Variants in SEMA6D observed in about 807,000 individuals in gnomAD.
SEMA6D encodes the protein semaphorin 6D, also known as semaphorin-6D.
SEMA6D carries 35 observed loss-of-function variants against 106.6 expected under a neutral mutation model. The ratio of observed to expected loss-of-function variants is 0.33; its 90% CI spans 0.25 to 0.44. SEMA6D has a LOEUF of 0.44. Ranked by LOEUF, SEMA6D falls within the 20% of genes least tolerant of loss-of-function variation. The pLI, the probability that SEMA6D is intolerant of heterozygous loss-of-function variation, is 1.00. For synonymous variants in SEMA6D, 499 were observed against 487.7 expected, an observed-to-expected ratio of 1.02 and a Z score of -0.31; for missense variants, 1,185 against 1,345.9, an observed-to-expected ratio of 0.88 and a Z score of 1.87.
chr15:47,328,821 TC>T, intron 1 of SEMA6D, among the ~76,000 whole-genome samples: 1 of 152,148 alleles, frequency 6.6e-6, no homozygotes, highest in East Asian at 1.9e-4. Flanking sequence ...GGTGATGGAG[TC>T]CACTGTTGGG....
chr15:47,767,292 T>C, intron 17 of SEMA6D, 199 bp downstream of exon 17: 1 of 447,052 alleles, frequency 2.2e-6, no homozygotes. Flanking sequence ...CACTTCATCA[T>C]TGACCAAGCC....
At chr15:47,298,793 C>T (rs1046782955) in intron 1 of SEMA6D, among the ~76,000 whole-genome samples, 2 of 152,120 alleles carry the variant, frequency 1.3e-5, no homozygotes, top group Admixed American at 1.3e-4. Context: ...GCTTCTCCAG[C>T]ATGTTGCTAC....
intron 3 of SEMA6D, among the ~76,000 whole-genome samples, chr15:47,521,784 G>C (rs2044587967): frequency 6.6e-6 from 1 of 152,142 alleles, no homozygotes; most frequent in Non-Finnish European, 1.5e-5. Flanking sequence ...AGGAGATTGA[G>C]ACCATCCTGC....
intron 3 of SEMA6D, among the ~76,000 whole-genome samples, chr15:47,496,927 T>G (rs190710100): frequency 6.6e-6 from 1 of 152,048 alleles, no homozygotes; most frequent in African/African-American, 2.4e-5. Flanking sequence ...CTCTCCTCTC[T>G]TGGACCAGCA....
At chr15:47,379,474 C>G (rs1241170364) in intron 1 of SEMA6D, among the ~76,000 whole-genome samples, 2 of 152,026 alleles carry the variant, frequency 1.3e-5, no homozygotes, top group Non-Finnish European at 2.9e-5. Context: ...ACCAACCAAC[C>G]TCACAGATAA....
At chr15:47,564,715 C>T (rs1377456744) in intron 3 of SEMA6D, among the ~76,000 whole-genome samples, 1 of 152,120 alleles carries the variant, frequency 6.6e-6, no homozygotes, top group Admixed American at 6.5e-5. Context: ...AAGCCTGAGA[C>T]CATGGCCCAA....
chr15:47,769,929 A>C (rs906752973), intron 18 of SEMA6D, among the ~76,000 whole-genome samples: 1 of 152,182 alleles, frequency 6.6e-6, no homozygotes, highest in Admixed American at 6.6e-5. Flanking sequence ...GAATGAAAAA[A>C]AAAATCCAAG....
At chr15:47,293,336 T>G (rs965865052) in intron 1 of SEMA6D, among the ~76,000 whole-genome samples, 16 of 152,150 alleles carry the variant, frequency 1.1e-4, no homozygotes, top group African/African-American at 3.9e-4. Context: ...TTTCTTGGTC[T>G]TATTCTTTAA....
intron 1 of SEMA6D, among the ~76,000 whole-genome samples, chr15:47,267,745 A>G (rs2034387843): frequency 6.6e-6 from 1 of 151,962 alleles, no homozygotes; most frequent in South Asian, 2.1e-4. Context: ...TTCTTTTTGA[A>G]CTGATGTTTT....
intron 4 of SEMA6D, among the ~76,000 whole-genome samples, chr15:47,607,527 A>G (rs2076807018): frequency 6.6e-6 from 1 of 152,150 alleles, no homozygotes; most frequent in South Asian, 2.1e-4. Context: ...GTAAATATCT[A>G]CTTACCTTTT....
rs775674496 is a variant in SEMA6D at position 47,763,070 on chromosome 15, G to A, written c.713G>A (p.Arg238Gln). ...GGAAACTATGTCTATTTCTTCTTTCGAGAAATCGCTGTCGAACATAATAAT... is the reference window on the plus strand; with the variant it reads ...GGAAACTATGTCTATTTCTTCTTTCAAGAAATCGCTGTCGAACATAATAAT... ...EYGNYVYFFF[R>Q]EIAVEHNNLG... is the part of the protein sequence containing the mutation. Residue 238 changes from arginine to glutamine, a missense_variant, in exon 9 of 19, where the codon CGA (arginine) becomes CAA (glutamine). Transcript: ENST00000536845. 52 of 1,611,990 alleles carry A rather than the reference G, an allele frequency of 3.2e-5. No individual in the cohort carries two copies. The highest frequency in any genetic ancestry group is 3.6e-5 in the Non-Finnish European group (42 of 1,179,014).
At chr15:47,520,755 C>T (rs2141927022) in intron 3 of SEMA6D, among the ~76,000 whole-genome samples, 1 of 152,220 alleles carries the variant, frequency 6.6e-6, no homozygotes, top group Middle Eastern at 3.4e-3. Flanking sequence ...TGGGGGATTA[C>T]AATGGAGAAT....
chr15:47,467,346 G>A (rs1596071901), intron 2 of SEMA6D, among the ~76,000 whole-genome samples: 1 of 152,124 alleles, frequency 6.6e-6, no homozygotes, highest in Non-Finnish European at 1.5e-5. Flanking sequence ...GACACACTCC[G>A]GGTCTGGTTG....
intron 1 of SEMA6D, among the ~76,000 whole-genome samples, chr15:47,741,775 G>A (rs576591672): frequency 6.6e-6 from 1 of 152,260 alleles, no homozygotes; most frequent in East Asian, 1.9e-4. Flanking sequence ...TCTTCTGTTA[G>A]TAGAGCAGAC....
chr15:47,376,707 G>A (rs1051569605), intron 1 of SEMA6D, among the ~76,000 whole-genome samples: 22 of 152,158 alleles, frequency 1.4e-4, no homozygotes, highest in Admixed American at 1.4e-3. Flanking sequence ...TAGGTTACAC[G>A]TTACTGTAGG....
chr15:47,600,011 T>A (rs2076615517), intron 3 of SEMA6D, among the ~76,000 whole-genome samples: 1 of 151,534 alleles, frequency 6.6e-6, no homozygotes. Flanking sequence ...ATTTGGGGAA[T>A]TTTTTTTTCA....
At chr15:47,486,352 C>A (rs183930730) in intron 3 of SEMA6D, among the ~76,000 whole-genome samples, 1 of 152,182 alleles carries the variant, frequency 6.6e-6, no homozygotes, top group Non-Finnish European at 1.5e-5. Context: ...TAAGATTGAA[C>A]TTTTGATGTT....
chr15:47,627,632 T>A (rs2077225458), intron 4 of SEMA6D, among the ~76,000 whole-genome samples: 1 of 152,152 alleles, frequency 6.6e-6, no homozygotes, highest in South Asian at 2.1e-4. Context: ...TAATTAAACT[T>A]TTCATTTCAA....
rs145922305 is a variant in SEMA6D at position 47,379,568 on chromosome 15, A to G, written c.-238-32825A>G. On this transcript the variant is annotated intron_variant, in intron 1 of 19. Transcript: ENST00000558014. Reference sequence around the variant, plus strand: ...TTGAGCCCATGTATGCTAAAGGGATATAAGGCAGAGGCAACAAAAATACAG... The same window carrying G: ...TTGAGCCCATGTATGCTAAAGGGATGTAAGGCAGAGGCAACAAAAATACAG... Among the ~76,000 whole-genome samples, 40 of 152,336 alleles carry G rather than the reference A, an allele frequency of 2.6e-4. No individual in the cohort carries two copies. The East Asian group carries it at 7.7e-3, about 29-fold the overall frequency.
Sources: allele counts gnomAD v4.1 joint callset (sites outside exome capture counted in the v4.1 genomes callset), GRCh38; gene constraint gnomAD v4.1.1; transcripts MANE v1.5; gene names NCBI Gene and HGNC (gene_info 2026-07-23, HGNC 2026-07-21).